The following ALDH3A2 variants were observed in gnomAD, a reference collection of about 807,000 sequenced individuals.
The protein encoded by ALDH3A2 is aldehyde dehydrogenase family 3 member A2.
A neutral mutation model predicts 51.3 loss-of-function variants in ALDH3A2; 36 were observed. The ratio of observed to expected loss-of-function variants is 0.70; its 90% CI spans 0.54 to 0.93. The LOEUF (loss-of-function observed/expected upper bound fraction) is 0.93. ALDH3A2 is among the 40% of genes least tolerant of loss of function. The pLI is 0.00. For missense variants in ALDH3A2, 552 were observed against 603.1 expected, an observed-to-expected ratio of 0.92 and a Z score of 0.89; for synonymous variants, 199 against 219.8, an observed-to-expected ratio of 0.91 and a Z score of 0.84.
intron 7 of ALDH3A2, among the ~76,000 whole-genome samples, chr17:19,663,770 C>T (rs1249425660): frequency 2.6e-5 from 4 of 152,208 alleles, no homozygotes; most frequent in Non-Finnish European, 5.9e-5. Context: ...TCACAAACAT[C>T]TCCTGTATAA....
At chr17:19,662,818 C>T (rs2152330442) in intron 6 of ALDH3A2, among the ~76,000 whole-genome samples, 1 of 152,226 alleles carries the variant, frequency 6.6e-6, no homozygotes, top group African/African-American at 2.4e-5. Context: ...CAGCCTGACC[C>T]AACATGGAGA....
intron 8 of ALDH3A2, 118 bp downstream of exon 8, chr17:19,665,165 A>T: frequency 1.1e-6 from 1 of 890,890 alleles, no homozygotes; most frequent in Admixed American, 2.2e-5. Flanking sequence ...TCCTCTCCTG[A>T]GGGAGACCTT....
At chr17:19,658,673 G>A (rs374831089) in intron 5 of ALDH3A2, among the ~76,000 whole-genome samples, 2 of 151,472 alleles carry the variant, frequency 1.3e-5, no homozygotes, top group African/African-American at 2.4e-5. Flanking sequence ...GCTTGAACCC[G>A]GGAGGCAAAG....
intron 5 of ALDH3A2, among the ~76,000 whole-genome samples, chr17:19,659,986 A>C (rs2152329609): frequency 6.6e-6 from 1 of 152,260 alleles, no homozygotes; most frequent in East Asian, 1.9e-4. Context: ...CATAGGACTA[A>C]AAATGGATCC....
rs1429939397 is a variant in ALDH3A2, at chr17:19,668,817, G to A, written c.1208-2904G>A. Among the ~76,000 whole-genome samples the A allele has an allele frequency of 2.3e-4, 31 of 132,034 alleles. 6 individuals are homozygous for A. The highest frequency in any genetic ancestry group is 8.3e-4 in the African/African-American group (31 of 37,216). The allele number at this position is 132,034 out of a possible 152,430, so 86.6% of individuals were successfully genotyped here. A position where few individuals can be genotyped will look rare whatever the true frequency, so the allele number is the denominator to read the frequency against. ...GAGGCAGTAGAATCACTTGAACCCT[G>A]GAGGCGGAGGTTGCAGTGAGCAGAG... On this transcript the variant is annotated intron_variant, in intron 8 of 9. Coordinates refer to ENST00000176643, the MANE Select transcript of ALDH3A2 (RefSeq NM_000382.3).
At chr17:19,675,411 A>T in intron 9 of ALDH3A2, 147 bp from the exon 10 acceptor site, 1 of 819,246 alleles carries the variant, frequency 1.2e-6, no homozygotes, top group South Asian at 1.5e-5. Context: ...CTTCCTAGGG[A>T]TATGTAGTCC....
intron 8 of ALDH3A2, among the ~76,000 whole-genome samples, chr17:19,667,529 T>G (rs975525990): frequency 6.6e-6 from 1 of 152,194 alleles, no homozygotes. Context: ...GTTAAACTTT[T>G]TAATATTTTG....
intron 9 of ALDH3A2, chr17:19,672,568 T>C (rs1484134898): frequency 5.7e-6 from 1 of 175,158 alleles, no homozygotes; most frequent in African/African-American, 2.4e-5. Context: ...CAAAGCAGTT[T>C]GCGTATTTTG....
chr17:19,669,168 T>C (rs1597570443), intron 8 of ALDH3A2, among the ~76,000 whole-genome samples: 2 of 151,666 alleles, frequency 1.3e-5, no homozygotes, highest in East Asian at 3.9e-4. Flanking sequence ...CTGGGCATTG[T>C]GGCATGCACA....
In ALDH3A2 at chr17:19,654,799, T is replaced by C. The variant is rs1323713854; in HGVS notation, c.472-1567T>C. Reference sequence around the variant, plus strand: ...TGTGGGCTGAAGGGCTCCTCAAGCGTGGCGAGAGTGGGTGCCAAGGCCAAG... The same window carrying C: ...TGTGGGCTGAAGGGCTCCTCAAGCGCGGCGAGAGTGGGTGCCAAGGCCAAG... On this transcript the variant is annotated intron_variant, in intron 3 of 9. Coordinates refer to ENST00000176643, the MANE Select transcript of ALDH3A2 (RefSeq NM_000382.3). The surrounding 1 kb of genome is among the most constrained non-coding windows in gnomAD (Gnocchi z 4.5). 6.6e-6 allele frequency among the ~76,000 whole-genome samples: 1 copy of C among 152,058 alleles called. No individual in the cohort carries two copies. The highest frequency in any genetic ancestry group is 1.5e-5 in the Non-Finnish European group (1 of 67,988).
upstream of ALDH3A2, chr17:19,648,643 C>T: frequency 2.4e-6 from 1 of 414,344 alleles, no homozygotes; most frequent in Non-Finnish European, 4.5e-6. Flanking sequence ...ACATCCCAGC[C>T]CGCTGCCAGA....
rs962798629 is a variant in ALDH3A2, at chr17:19,659,000, G to A, written c.798+1138G>A. 3.9e-5 allele frequency among the ~76,000 whole-genome samples: 6 copies of A among 152,298 alleles called. No individual in the cohort carries two copies. In the East Asian group the frequency reaches 1.2e-3, roughly 29 times the overall value. ...TAATCCCAGCACTTTGGGAGGCCAA[G>A]ACAGGTTGATCACTTGAGGTGAGGA... On this transcript the variant is annotated intron_variant, in intron 5 of 9. Transcript: ENST00000176643.
chr17:19,661,425 T>C (rs2084965252), intron 6 of ALDH3A2, 157 bp downstream of exon 6: 1 of 828,788 alleles, frequency 1.2e-6, no homozygotes, highest in South Asian at 1.7e-5. Context: ...GCTTTTGTTA[T>C]AAACTATTTA....
At chr17:19,653,103 G>A (rs902339380) in intron 3 of ALDH3A2, among the ~76,000 whole-genome samples, 10 of 150,600 alleles carry the variant, frequency 6.6e-5, no homozygotes, top group African/African-American at 2.4e-4. Flanking sequence ...GTAGTGCTGT[G>A]GTGTGATCTC....
In ALDH3A2 at chr17:19,656,555, G is replaced by T; in HGVS notation, c.661G>T (p.Asp221Tyr). Residue 221 changes from aspartate to tyrosine, a missense_variant, in exon 4 of 10, where the codon GAC becomes TAC. Transcript: ENST00000176643. ...TCCATGTTATATTGATAAAGATTGT[G>T]ACCTGGACATTGTTTGCAGGTGAGT... ...KSPCYIDKDC[D>Y]LDIVCRRITW... 1.2e-6 allele frequency: 2 copies of T among 1,613,146 alleles called. No homozygotes were observed. The highest frequency in any genetic ancestry group is 2.2e-5 in the South Asian group (2 of 90,802).
chr17:19,653,156 T>C, intron 3 of ALDH3A2, among the ~76,000 whole-genome samples: 1 of 151,866 alleles, frequency 6.6e-6, no homozygotes, highest in East Asian at 1.9e-4. Context: ...GCGATTCTTC[T>C]GCCTCAGCCT....
Position 19,649,051 on chromosome 17 carries a change from T to C in ALDH3A2, c.80T>C (p.Leu27Pro), listed in dbSNP as rs72547555. 1.9e-6 allele frequency: 3 copies of C among 1,583,840 alleles called. No homozygotes were observed. Among genetic ancestry groups the C allele is most frequent in the Non-Finnish European group, 2.6e-6 (3 of 1,165,590 alleles). The change falls in exon 1 of 10, where the codon CTG (leucine) becomes CCG (proline). Residue 27 changes from leucine to proline, a missense_variant. Leu to Pro is a moderately conservative substitution (Grantham distance 98, BLOSUM62 -3). Coordinates refer to ENST00000176643, the MANE Select transcript of ALDH3A2 (RefSeq NM_000382.3). Reference sequence around the variant, plus strand: ...CCTCTGCGGTTTCGGCTGCAGCAGCTGGAGGCCCTGCGGAGGATGGTGCAG... The same window carrying C: ...CCTCTGCGGTTTCGGCTGCAGCAGCCGGAGGCCCTGCGGAGGATGGTGCAG... ...SRPLRFRLQQ[L>P]EALRRMVQER... is the part of the protein sequence containing the mutation.
intron 7 of ALDH3A2, among the ~76,000 whole-genome samples, chr17:19,663,713 C>T (rs1025160146): frequency 1.3e-5 from 2 of 152,304 alleles, no homozygotes; most frequent in South Asian, 2.1e-4. Flanking sequence ...CCTCCTCCCT[C>T]GGGTTAGATC....
In ALDH3A2 at chr17:19,651,731, AC is replaced by A. The variant is rs1431041724; in HGVS notation, c.342del (p.Phe115SerfsTer8). The part of the protein sequence containing the change: ...GVVLIIGAWN[Y>X]PFVLTIQPLI... Reference sequence around the variant, plus strand: ...GTGCTGATAATCGGAGCTTGGAATTACCCCTTCGTTCTCACCATTCAGCCAC... The same window carrying A: ...GTGCTGATAATCGGAGCTTGGAATTACCCTTCGTTCTCACCATTCAGCCAC... On this transcript the variant is annotated frameshift_variant, in exon 2 of 10. Transcript: ENST00000176643. LOFTEE classifies it high-confidence loss of function. The A allele has an allele frequency of 6.2e-7, 1 of 1,613,912 alleles. No individual in the cohort carries two copies. The highest frequency in any genetic ancestry group is 8.5e-7 in the Non-Finnish European group (1 of 1,180,030).
Sources: allele counts gnomAD v4.1 joint callset (sites outside exome capture counted in the v4.1 genomes callset), GRCh38; gene constraint gnomAD v4.1.1; non-coding constraint Gnocchi (gnomAD v3.1); transcripts MANE v1.5; gene names NCBI Gene and HGNC (gene_info 2026-07-23, HGNC 2026-07-21).